The following ERC2 variants were observed in gnomAD, a reference collection of about 807,000 sequenced individuals.
ERC2 encodes the protein ERC protein 2.
ERC2 carries 42 observed loss-of-function variants against 114.8 expected under a neutral mutation model. That is an observed-to-expected ratio of 0.37 (90% CI 0.29 to 0.47). The LOEUF (loss-of-function observed/expected upper bound fraction) is 0.47. Among genes scored for constraint, ERC2 ranks in the 20% least tolerant of loss-of-function variants. The probability of loss-of-function intolerance (pLI) is 0.99; values close to 1 mark genes in which losing one functional copy is unlikely to be tolerated. For missense variants in ERC2, 939 were observed against 1,150.7 expected (o/e 0.82, Z 2.66); for synonymous variants, 454 against 425.5 (o/e 1.07, Z -0.82).
chr3:56,353,354 T>C (rs1029930628), intron 2 of ERC2, among the ~76,000 whole-genome samples: 2 of 152,002 alleles, frequency 1.3e-5, no homozygotes, highest in African/African-American at 4.8e-5. Context: ...AAGTAATGGC[T>C]TCGAGAATTT....
chr3:56,382,452 C>G (rs868798651), intron 2 of ERC2, among the ~76,000 whole-genome samples: 2 of 152,136 alleles, frequency 1.3e-5, no homozygotes, highest in South Asian at 4.1e-4. Flanking sequence ...CAATCAGAAT[C>G]AAACTTTCCC....
chr3:55,714,365 TATCACAGGG>T (rs1006885657), intron 15 of ERC2, among the ~76,000 whole-genome samples: 2 of 152,128 alleles, frequency 1.3e-5, no homozygotes, highest in Middle Eastern at 6.8e-3. Context: ...TACAAAAGGG[TATCACAGGG>T]ATGGCAATCA....
At chr3:55,716,182 C>A (rs1172378784) in intron 15 of ERC2, among the ~76,000 whole-genome samples, 4 of 152,178 alleles carry the variant, frequency 2.6e-5, no homozygotes, top group Non-Finnish European at 5.9e-5. Context: ...CAGATAGAAA[C>A]AGTTCAGTTA....
chr3:56,269,656 C>G (rs1223021457), intron 3 of ERC2, among the ~76,000 whole-genome samples: 1 of 152,044 alleles, frequency 6.6e-6, no homozygotes, highest in African/African-American at 2.4e-5. Flanking sequence ...AGCAAATAAC[C>G]CTATATTCCC....
intron 14 of ERC2, among the ~76,000 whole-genome samples, chr3:55,867,292 A>ACCCACCACACCCACCT (rs1459189181): frequency 1.3e-5 from 2 of 151,722 alleles, no homozygotes; most frequent in African/African-American, 4.8e-5. Context: ...GGACTTTCCC[A>ACCCACCACACCCACCT]CCCACCACAC....
At chr3:55,592,456 G>C (rs1326207740) in intron 17 of ERC2, among the ~76,000 whole-genome samples, 1 of 151,988 alleles carries the variant, frequency 6.6e-6, no homozygotes, top group Non-Finnish European at 1.5e-5. Context: ...GCTGACAATC[G>C]ATTTCTCCAT....
chr3:56,218,203 A>G (rs2049627345), intron 3 of ERC2, among the ~76,000 whole-genome samples: 1 of 152,144 alleles, frequency 6.6e-6, no homozygotes, highest in Non-Finnish European at 1.5e-5. Flanking sequence ...TGAACAGGCA[A>G]CCTACAGAAT....
chr3:56,122,613 A>G (rs1296083471), intron 6 of ERC2, among the ~76,000 whole-genome samples: 1 of 152,130 alleles, frequency 6.6e-6, no homozygotes, highest in East Asian at 1.9e-4. Context: ...TGGTGAGTAG[A>G]GACATATTCA....
chr3:55,729,629 G>A (rs552939736), intron 15 of ERC2, among the ~76,000 whole-genome samples: 12 of 151,848 alleles, frequency 7.9e-5, no homozygotes, highest in African/African-American at 1.7e-4. Flanking sequence ...CTTGAGTCTC[G>A]GAGTTCAAGA....
At chr3:55,990,147 A>C (rs2070945599) in intron 11 of ERC2, among the ~76,000 whole-genome samples, 1 of 152,136 alleles carries the variant, frequency 6.6e-6, no homozygotes, top group Non-Finnish European at 1.5e-5. Flanking sequence ...AGTGCTCCCC[A>C]CTTTTTAAGA....
intron 15 of ERC2, among the ~76,000 whole-genome samples, chr3:55,713,428 G>A (rs1384563396): frequency 1.3e-5 from 2 of 151,976 alleles, no homozygotes. Flanking sequence ...TGTTGGCCAG[G>A]CTGGTCTCGA....
At chr3:55,732,635 A>G (rs2065325488) in intron 15 of ERC2, among the ~76,000 whole-genome samples, 1 of 152,200 alleles carries the variant, frequency 6.6e-6, no homozygotes, top group Non-Finnish European at 1.5e-5. Context: ...AAAATTCCTT[A>G]CTGGGAAAAG....
intron 2 of ERC2, among the ~76,000 whole-genome samples, chr3:56,348,337 C>CATCAT (rs60748931): frequency 0.31 from 46,231 of 151,576 alleles, 7,139 homozygotes; most frequent in Admixed American, 0.33. Context: ...ATTCCAACAC[C>CATCAT]ATCATATCTT....
At chr3:55,579,732 G>A (rs529545765) in intron 17 of ERC2, among the ~76,000 whole-genome samples, 33 of 152,318 alleles carry the variant, frequency 2.2e-4, no homozygotes, top group South Asian at 8.3e-4. Flanking sequence ...AAACAAGTCC[G>A]TTTACAGGAT....
chr3:55,741,870 G>A (rs555087424), intron 14 of ERC2, among the ~76,000 whole-genome samples: 1 of 152,124 alleles, frequency 6.6e-6, no homozygotes, highest in South Asian at 2.1e-4. Context: ...TTATCAACGT[G>A]CAGCCTAAAC....
chr3:56,402,309 A>T (rs1409687509), intron 2 of ERC2, among the ~76,000 whole-genome samples: 1 of 152,180 alleles, frequency 6.6e-6, no homozygotes, highest in Non-Finnish European at 1.5e-5. Flanking sequence ...ATGGGTAGTA[A>T]CTTCTAGGTC....
intron 14 of ERC2, among the ~76,000 whole-genome samples, chr3:55,878,776 A>G (rs1168893588): frequency 6.6e-6 from 1 of 152,226 alleles, no homozygotes. Flanking sequence ...GTCTGCATGC[A>G]CTGGATAGCA....
At chr3:56,164,068 A>G (rs1441563308) in intron 4 of ERC2, among the ~76,000 whole-genome samples, 1 of 151,934 alleles carries the variant, frequency 6.6e-6, no homozygotes, top group Non-Finnish European at 1.5e-5. Context: ...AAGCAAAGTT[A>G]TTAATCATTT....
intron 13 of ERC2, among the ~76,000 whole-genome samples, chr3:55,932,982 G>T (rs1034801240): frequency 1.3e-5 from 2 of 152,216 alleles, no homozygotes; most frequent in Non-Finnish European, 2.9e-5. Flanking sequence ...GCCAAGGTGG[G>T]TGGATCACTT....
Sources: allele counts gnomAD v4.1 joint callset (sites outside exome capture counted in the v4.1 genomes callset), GRCh38; gene constraint gnomAD v4.1.1; transcripts MANE v1.5; gene names NCBI Gene and HGNC (gene_info 2026-07-23, HGNC 2026-07-21).